Variants in ASAP2 observed in about 807,000 individuals in gnomAD.
ASAP2 encodes the protein arf-GAP with SH3 domain, ANK repeat and PH domain-containing protein 2.
ASAP2 carries 45 observed loss-of-function variants against 131.4 expected under a neutral mutation model. The observed-to-expected ratio is 0.34, with a 90% CI of 0.27 to 0.44. The LOEUF (loss-of-function observed/expected upper bound fraction) is 0.44. Ranked by LOEUF, ASAP2 falls within the 20% of genes least tolerant of loss-of-function variation. The probability of loss-of-function intolerance (pLI) is 1.00; values close to 1 mark genes in which losing one functional copy is unlikely to be tolerated. For missense variants in ASAP2, 1,011 were observed against 1,297.0 expected, an observed-to-expected ratio of 0.78 and a Z score of 3.39; for synonymous variants, 510 against 503.0, an observed-to-expected ratio of 1.01 and a Z score of -0.19.
At chr2:9,287,247 C>T (rs888967460) in intron 2 of ASAP2, among the ~76,000 whole-genome samples, 2 of 152,244 alleles carry the variant, frequency 1.3e-5, no homozygotes, top group Admixed American at 1.3e-4. Flanking sequence ...GCTGAGCCAT[C>T]GTAGTCCTTC....
intron 3 of ASAP2, among the ~76,000 whole-genome samples, chr2:9,317,434 A>T (rs200610258): frequency 0.05 from 176 of 3,534 alleles, 2 homozygotes; most frequent in East Asian, 0.47. Flanking sequence ...ACCTACACAT[A>T]CTCACATTCT....
At chr2:9,374,520 C>A (rs912211606) in intron 16 of ASAP2, among the ~76,000 whole-genome samples, 1 of 152,122 alleles carries the variant, frequency 6.6e-6, no homozygotes, top group African/African-American at 2.4e-5. Flanking sequence ...GGCAGAGAGG[C>A]GGGTGGGCTG....
intron 2 of ASAP2, among the ~76,000 whole-genome samples, chr2:9,290,719 C>G (rs190405317): frequency 5.4e-4 from 82 of 152,324 alleles, no homozygotes; most frequent in African/African-American, 1.9e-3. Context: ...TTATAACCAG[C>G]AGAGGCTCAG....
intron 1 of ASAP2, among the ~76,000 whole-genome samples, chr2:9,219,064 G>A (rs1357882362): frequency 2.0e-5 from 3 of 152,174 alleles, no homozygotes; most frequent in African/African-American, 4.8e-5. Context: ...TGCTGCTTTC[G>A]TTGGTCTCTT....
At chr2:9,364,313 A>G (rs1673292144) in intron 15 of ASAP2, among the ~76,000 whole-genome samples, 1 of 151,726 alleles carries the variant, frequency 6.6e-6, no homozygotes, top group Admixed American at 6.6e-5. Flanking sequence ...TTCAAGACCA[A>G]CCTGGGCCAC....
intron 3 of ASAP2, among the ~76,000 whole-genome samples, chr2:9,298,990 G>A (rs1264279226): frequency 6.6e-6 from 1 of 152,128 alleles, no homozygotes; most frequent in Non-Finnish European, 1.5e-5. Flanking sequence ...CCAACAGGAA[G>A]GGCTGGAGTA....
At chr2:9,343,669 A>G (rs1671752907) in intron 9 of ASAP2, among the ~76,000 whole-genome samples, 1 of 151,824 alleles carries the variant, frequency 6.6e-6, no homozygotes, top group Non-Finnish European at 1.5e-5. Context: ...CTGGTCTTGA[A>G]CTCCTGGGCT....
chr2:9,382,196 C>T, intron 20 of ASAP2, among the ~76,000 whole-genome samples: 1 of 152,124 alleles, frequency 6.6e-6, no homozygotes, highest in East Asian at 1.9e-4. Flanking sequence ...ATTGGTCAGG[C>T]TGGTCTTGAA....
intron 7 of ASAP2, among the ~76,000 whole-genome samples, chr2:9,332,760 A>G (rs1249283034): frequency 1.3e-5 from 2 of 151,068 alleles, no homozygotes; most frequent in Admixed American, 6.6e-5. Context: ...CTGTCCTCCT[A>G]TCTATTTCAC....
intron 1 of ASAP2, among the ~76,000 whole-genome samples, chr2:9,225,073 G>T (rs988247519): frequency 6.6e-6 from 1 of 152,234 alleles, no homozygotes; most frequent in Non-Finnish European, 1.5e-5. Context: ...CAAAGCTCCA[G>T]CCTGTTTTTG....
intron 23 of ASAP2, among the ~76,000 whole-genome samples, 178 bp downstream of exon 23, chr2:9,391,374 T>C (rs1035285190): frequency 3.9e-5 from 6 of 152,114 alleles, no homozygotes; most frequent in African/African-American, 1.4e-4. Context: ...TCGTCACAGC[T>C]GCAAACCCCT....
At chr2:9,266,967 G>C (rs954167809) in intron 1 of ASAP2, among the ~76,000 whole-genome samples, 2 of 152,138 alleles carry the variant, frequency 1.3e-5, no homozygotes, top group African/African-American at 4.8e-5. Flanking sequence ...CAACCAACAT[G>C]CTAGGCTAAT....
chr2:9,381,271 A>C (rs997001912), intron 20 of ASAP2, among the ~76,000 whole-genome samples: 1 of 152,240 alleles, frequency 6.6e-6, no homozygotes, highest in East Asian at 1.9e-4. Flanking sequence ...GAAAGAGCCC[A>C]CCAGGCCAGG....
intron 5 of ASAP2, among the ~76,000 whole-genome samples, chr2:9,321,959 G>A (rs1670173993): frequency 1.3e-5 from 2 of 152,124 alleles, no homozygotes; most frequent in South Asian, 4.2e-4. Context: ...AACCATAATA[G>A]GTTTTAGATG....
At chr2:9,301,064 T>C (rs1668444435) in intron 3 of ASAP2, among the ~76,000 whole-genome samples, 1 of 152,226 alleles carries the variant, frequency 6.6e-6, no homozygotes, top group Admixed American at 6.5e-5. Flanking sequence ...GTCTCCTTTT[T>C]TGGAATTTTG....
intron 1 of ASAP2, among the ~76,000 whole-genome samples, chr2:9,210,887 G>T (rs923778022): frequency 5.9e-5 from 9 of 151,718 alleles, no homozygotes; most frequent in Non-Finnish European, 1.2e-4. Context: ...CAGGTGCGGT[G>T]GCTCACGCCT....
chr2:9,246,187 C>A (rs1476051918), intron 1 of ASAP2, among the ~76,000 whole-genome samples: 1 of 152,142 alleles, frequency 6.6e-6, no homozygotes, highest in African/African-American at 2.4e-5. Context: ...TTCTCCAAAC[C>A]CGTACTCCTT....
intron 2 of ASAP2, among the ~76,000 whole-genome samples, chr2:9,286,842 T>C (rs1667500200): frequency 6.6e-6 from 1 of 152,174 alleles, no homozygotes. Context: ...ACACCGTGTG[T>C]GATTAAAAAG....
At position 9,391,048 on chromosome 2, in the gene ASAP2, G is replaced by T. The variant is rs761569639; in HGVS notation, c.2384-14G>T. The T allele has an allele frequency of 1.2e-6, 2 of 1,614,216 alleles. No individual in the cohort carries two copies. The highest frequency in any genetic ancestry group is 1.7e-6 in the Non-Finnish European group (2 of 1,180,054). On this transcript the variant is annotated splice_polypyrimidine_tract_variant and intron_variant, in intron 22 of 27. Coordinates refer to ENST00000281419, the MANE Select transcript of ASAP2 (RefSeq NM_003887.3). ...TGTGCGTGCATGCGTCTGTGTGCAT[G>T]CGTGTGGGTTCAGTTCAGACAGCCT...
Sources: gnomAD v4.1 joint callset for allele counts (sites outside exome capture counted in the v4.1 genomes callset) on GRCh38, gnomAD v4.1.1 for gene constraint, MANE v1.5 for transcripts, NCBI Gene and HGNC (gene_info 2026-07-23, HGNC 2026-07-21) for gene names.